Variants in RBFOX1 observed in about 807,000 individuals in gnomAD.
RBFOX1 encodes the protein RNA binding fox-1 homolog 1, also known as RNA binding protein fox-1 homolog 1.
RBFOX1 carries 8 observed loss-of-function variants against 57.7 expected under a neutral mutation model. The ratio of observed to expected loss-of-function variants is 0.14; its 90% CI spans 0.08 to 0.25. The LOEUF (loss-of-function observed/expected upper bound fraction) is 0.25, where lower values mean the gene tolerates loss of function less well. Ranked by LOEUF, RBFOX1 falls within the 10% of genes least tolerant of loss-of-function variation. RBFOX1 has a pLI of 1.00. For missense variants in RBFOX1, 611 were observed against 548.5 expected, an observed-to-expected ratio of 1.11 and a Z score of -1.14; for synonymous variants, 326 against 222.4, an observed-to-expected ratio of 1.47 and a Z score of -4.15.
intron 4 of RBFOX1, among the ~76,000 whole-genome samples, chr16:5,944,082 T>C (rs187649547): frequency 1.3e-5 from 2 of 151,960 alleles, no homozygotes; most frequent in Admixed American, 1.3e-4. Context: ...CCCACATACA[T>C]AGAGCATCAA....
In RBFOX1 at chr16:6,058,940, C is replaced by T. The variant is rs1490734710; in HGVS notation, c.-127+38948C>T. 3.9e-5 allele frequency among the ~76,000 whole-genome samples: 6 copies of T among 152,312 alleles called. No homozygotes were observed. In the East Asian group the frequency reaches 9.6e-4, roughly 24 times the overall value. On this transcript the variant is annotated intron_variant, in intron 1 of 15. Coordinates refer to ENST00000550418, the MANE Select transcript of RBFOX1 (RefSeq NM_018723.4). The stretch of plus-strand genomic sequence containing the variant: ...ATTTTGCAGAGTTGCTTCACTCTAG[C>T]TTTCTTTTCTGTGAATCTGGAACAA...
At chr16:7,229,232 A>C (rs1163812909) in intron 4 of RBFOX1, among the ~76,000 whole-genome samples, 1 of 152,220 alleles carries the variant, frequency 6.6e-6, no homozygotes, top group Non-Finnish European at 1.5e-5. Context: ...GATGCATTGC[A>C]ATCTTCTGCA....
chr16:5,984,131 T>C (rs1417709047), intron 4 of RBFOX1, among the ~76,000 whole-genome samples: 1 of 10,186 alleles, frequency 9.8e-5, no homozygotes. Flanking sequence ...CCCCTCCCCC[T>C]CCTCCTCCTC....
chr16:6,194,743 C>T (rs1188989365), intron 1 of RBFOX1, among the ~76,000 whole-genome samples: 1 of 152,148 alleles, frequency 6.6e-6, no homozygotes, highest in Non-Finnish European at 1.5e-5. Context: ...ATACATCTAT[C>T]TTGATGCATA....
intron 1 of RBFOX1, among the ~76,000 whole-genome samples, chr16:5,297,166 A>T (rs537061320): frequency 3.8e-4 from 58 of 152,282 alleles, no homozygotes; most frequent in African/African-American, 1.3e-3. Flanking sequence ...TTTGATGGAT[A>T]CTTAGGTTGA....
intron 3 of RBFOX1, among the ~76,000 whole-genome samples, chr16:7,013,458 G>A (rs552254104): frequency 1.3e-3 from 193 of 152,256 alleles, no homozygotes; most frequent in African/African-American, 4.3e-3. Flanking sequence ...GATGCTACTC[G>A]CATCTAGCAG....
chr16:6,189,254 A>G (rs970434873), intron 1 of RBFOX1, among the ~76,000 whole-genome samples: 2 of 152,258 alleles, frequency 1.3e-5, no homozygotes, highest in Non-Finnish European at 2.9e-5. Context: ...CTGATGGCAC[A>G]GGGAGATACA....
At chr16:6,826,016 G>A (rs1186388667) in intron 3 of RBFOX1, among the ~76,000 whole-genome samples, 3 of 152,102 alleles carry the variant, frequency 2.0e-5, no homozygotes, top group African/African-American at 7.2e-5. Flanking sequence ...TGGGTAGGCC[G>A]ACCACATCGT....
intron 2 of RBFOX1, chr16:6,576,884 G>C (rs2097446755): frequency 6.6e-6 from 1 of 152,124 alleles, no homozygotes; most frequent in African/African-American, 2.4e-5. Context: ...CTGGCCATCT[G>C]CTAATAATTT....
intron 3 of RBFOX1, among the ~76,000 whole-genome samples, chr16:6,758,082 G>A (rs1440091899): frequency 6.6e-6 from 1 of 152,098 alleles, no homozygotes; most frequent in Non-Finnish European, 1.5e-5. Context: ...GAAGGATCAG[G>A]ACACAGAAAG....
At chr16:6,109,163 A>G (rs1203895382) in intron 1 of RBFOX1, among the ~76,000 whole-genome samples, 1 of 152,142 alleles carries the variant, frequency 6.6e-6, no homozygotes, top group African/African-American at 2.4e-5. Flanking sequence ...CGTTTTCTGA[A>G]TCGTGGCTTT....
intron 1 of RBFOX1, among the ~76,000 whole-genome samples, chr16:6,093,810 G>C (rs1278673302): frequency 1.3e-5 from 2 of 151,694 alleles, no homozygotes; most frequent in Non-Finnish European, 2.9e-5. Context: ...GTAAAGATGG[G>C]GGTCTCACTG....
intron 1 of RBFOX1, among the ~76,000 whole-genome samples, chr16:6,287,106 C>T (rs1007951469): frequency 2.7e-4 from 41 of 152,268 alleles, no homozygotes; most frequent in African/African-American, 9.9e-4. Flanking sequence ...AAAGAAGGCA[C>T]ACCTCACCCA....
At chr16:7,458,276 G>A (rs1245341452) in intron 4 of RBFOX1, among the ~76,000 whole-genome samples, 1 of 152,094 alleles carries the variant, frequency 6.6e-6, no homozygotes, top group African/African-American at 2.4e-5. Flanking sequence ...CCATGTGAAT[G>A]CAGGAATTAT....
At chr16:6,691,362 T>C (rs967369812) in intron 3 of RBFOX1, among the ~76,000 whole-genome samples, 1 of 152,226 alleles carries the variant, frequency 6.6e-6, no homozygotes, top group Non-Finnish European at 1.5e-5. Context: ...GCCATCATTC[T>C]TCACTCTTCT....
At chr16:5,691,488 A>G (rs2151460481) in intron 3 of RBFOX1, among the ~76,000 whole-genome samples, 1 of 152,328 alleles carries the variant, frequency 6.6e-6, no homozygotes, top group Admixed American at 6.5e-5. Context: ...CTTTTAAAAT[A>G]TGTATATATT....
rs140071187 is a variant in RBFOX1, at chr16:6,735,655, G to A, written c.-16+81005G>A. Among the ~76,000 whole-genome samples, 129 of 152,262 alleles carry A rather than the reference G, an allele frequency of 8.5e-4. 3 individuals are homozygous for A. The East Asian group carries it at 0.023, about 28-fold the overall frequency. ...ATTGGATCGATCACAAAATGTTTGGGTAACAATGCTGAGACTCTCTCAGAT... is the reference window on the plus strand; with the variant it reads ...ATTGGATCGATCACAAAATGTTTGGATAACAATGCTGAGACTCTCTCAGAT... On this transcript the variant is annotated intron_variant, in intron 3 of 15. Coordinates refer to ENST00000550418, the MANE Select transcript of RBFOX1 (RefSeq NM_018723.4).
At chr16:7,696,304 A>T (rs2078777716) in intron 14 of RBFOX1, among the ~76,000 whole-genome samples, 1 of 152,180 alleles carries the variant, frequency 6.6e-6, no homozygotes, top group Non-Finnish European at 1.5e-5. Flanking sequence ...CTCCTAATGC[A>T]TCCAGCTTGG....
At chr16:6,995,381 G>C (rs1042447900) in intron 3 of RBFOX1, among the ~76,000 whole-genome samples, 17 of 151,032 alleles carry the variant, frequency 1.1e-4, no homozygotes, top group African/African-American at 4.1e-4. Flanking sequence ...GAGGGGGATG[G>C]ATTTTTCACT....
Sources: allele counts gnomAD v4.1 joint callset (sites outside exome capture counted in the v4.1 genomes callset), GRCh38; gene constraint gnomAD v4.1.1; transcripts MANE v1.5; gene names NCBI Gene and HGNC (gene_info 2026-07-23, HGNC 2026-07-21).